SEC63: variants seen among roughly 807,000 people sequenced by gnomAD.
SEC63 encodes the protein translocation protein SEC63 homolog.
SEC63 carries 56 observed loss-of-function variants against 116.2 expected under a neutral mutation model. That is an observed-to-expected ratio of 0.48 (90% CI 0.39 to 0.60). The LOEUF (loss-of-function observed/expected upper bound fraction) is 0.60. Among genes scored for constraint, SEC63 ranks in the 20% least tolerant of loss-of-function variants. The probability of loss-of-function intolerance (pLI) is 0.00; values close to 1 mark genes in which losing one functional copy is unlikely to be tolerated. For missense variants in SEC63, 668 were observed against 900.0 expected (o/e 0.74, Z 3.30); for synonymous variants, 273 against 294.6 (o/e 0.93, Z 0.75).
intron 8 of SEC63, 98 bp from the exon 9 acceptor site, chr6:107,906,875 T>C: frequency 1.1e-6 from 1 of 890,828 alleles, no homozygotes; most frequent in Non-Finnish European, 1.9e-6. Context: ...AGCACTTTTC[T>C]AAACATGCAC....
chr6:107,937,264 G>A (rs563588790), intron 1 of SEC63, among the ~76,000 whole-genome samples: 17 of 151,686 alleles, frequency 1.1e-4, no homozygotes, highest in East Asian at 7.8e-4. Flanking sequence ...CTGGGATTAC[G>A]GGCATGCGCC....
At chr6:107,923,875 T>C (rs1323734473) in intron 3 of SEC63, among the ~76,000 whole-genome samples, 1 of 152,174 alleles carries the variant, frequency 6.6e-6, no homozygotes, top group Non-Finnish European at 1.5e-5. Flanking sequence ...TAAGTGTCAA[T>C]GAATACAAGG....
intron 12 of SEC63, among the ~76,000 whole-genome samples, chr6:107,901,865 A>G (rs1384365532): frequency 1.3e-5 from 2 of 152,150 alleles, no homozygotes; most frequent in Non-Finnish European, 2.9e-5. Context: ...TTTAATTAGC[A>G]ATTAATAGGT....
intron 1 of SEC63, among the ~76,000 whole-genome samples, chr6:107,944,055 G>T (rs1770431317): frequency 1.3e-5 from 2 of 152,198 alleles, no homozygotes; most frequent in Non-Finnish European, 2.9e-5. Flanking sequence ...ATGAGAAATG[G>T]TCGGACACGA....
rs913432602 is a variant in SEC63, at chr6:107,873,063, A to G, written c.2035-151T>C. On this transcript the variant is annotated intron_variant, in intron 19 of 20. Transcript: ENST00000369002. Reference sequence around the variant, plus strand: ...AAATGTTACTAAAGTCCTTATAAACAATAATAAAAAAAAGCGAAATGTATG... The same window carrying G: ...AAATGTTACTAAAGTCCTTATAAACGATAATAAAAAAAAGCGAAATGTATG... 7.7e-6 allele frequency: 5 copies of G among 648,120 alleles called. No individual in the cohort carries two copies. In the Admixed American group the frequency reaches 1.1e-4, roughly 14 times the overall value. 40.1% of individuals were successfully genotyped at this position (648,120 alleles called of 1,614,324 possible).
intron 1 of SEC63, 54 bp downstream of exon 1, chr6:107,957,831 TG>T: frequency 6.5e-7 from 1 of 1,533,394 alleles, no homozygotes. Context: ...CCGCAGGGCC[TG>T]GGGGCGCTGG....
At chr6:107,877,766 T>C (rs796743524) in intron 18 of SEC63, among the ~76,000 whole-genome samples, 16 of 152,296 alleles carry the variant, frequency 1.1e-4, no homozygotes, top group African/African-American at 3.4e-4. Flanking sequence ...TAAACTAAAA[T>C]TGCTGCTAAA....
Position 107,868,478 on chromosome 6 carries a change from C to G in SEC63, c.*3226G>C, listed in dbSNP as rs1786050408. ...CCTGCAGTCCCAGCTACTCAGGAGG[C>G]TGAGGCAGAAGAATCGCTTGAAGCT... On this transcript the variant is annotated 3_prime_UTR_variant, in exon 21 of 21. Transcript: ENST00000369002. 1 of 152,350 alleles carries G rather than the reference C, an allele frequency of 6.6e-6. No homozygotes were observed. Among genetic ancestry groups the G allele is most frequent in the Non-Finnish European group, 1.5e-5 (1 of 68,262 alleles). 9.4% of individuals were successfully genotyped at this position (152,350 alleles called of 1,614,324 possible).
In SEC63 at chr6:107,883,128, C is replaced by T. The variant is rs2114406824; in HGVS notation, c.1693G>A (p.Asp565Asn). The T allele has an allele frequency of 1.2e-6, 2 of 1,612,440 alleles. No individual in the cohort carries two copies. The highest frequency in any genetic ancestry group is 2.2e-5 in the East Asian group (1 of 44,766). Residue 565 changes from aspartate (D) to asparagine (N), a missense_variant, in exon 17 of 21, where the codon GAT becomes AAT. Asp to Asn is a conservative substitution (Grantham distance 23). Coordinates refer to ENST00000369002, the MANE Select transcript of SEC63 (RefSeq NM_007214.5). ...VVGNEAAVKE[D>N]EEEVSDKGSD... ...CCCTTATCTGAAACTTCTTCTTCAT[C>T]TTCCTTTACTGCAGCTTCCTAAAAG...
intron 2 of SEC63, among the ~76,000 whole-genome samples, chr6:107,928,894 C>T (rs900774394): frequency 5.3e-5 from 8 of 152,222 alleles, no homozygotes; most frequent in African/African-American, 1.7e-4. Context: ...TCCAACACTT[C>T]TAACTACATG....
At chr6:107,931,295 T>A (rs763566802) in intron 1 of SEC63, among the ~76,000 whole-genome samples, 59 of 151,000 alleles carry the variant, frequency 3.9e-4, no homozygotes, top group Non-Finnish European at 8.1e-4. Context: ...TGAGCCAAGA[T>A]CACGCCATTG....
In SEC63 at chr6:107,869,733, A is replaced by G. The variant is rs915443876; in HGVS notation, c.*1971T>C. The G allele has an allele frequency of 6.6e-6, 1 of 151,460 alleles. No individual in the cohort carries two copies. Among genetic ancestry groups the G allele is most frequent in the Non-Finnish European group, 1.5e-5 (1 of 67,962 alleles). The allele number at this position is 151,460 out of a possible 1,614,324, so 9.4% of individuals were successfully genotyped here. ...AAGTACATACACATCACACAAAGAG[A>G]AAAGGAAAACAAACTGGTGGAATTT... On this transcript the variant is annotated 3_prime_UTR_variant, in exon 21 of 21. Transcript: ENST00000369002.
intron 1 of SEC63, among the ~76,000 whole-genome samples, chr6:107,935,146 C>T (rs2114497543): frequency 6.7e-6 from 1 of 149,056 alleles, no homozygotes; most frequent in South Asian, 2.1e-4. Flanking sequence ...GCCCAGCCAG[C>T]TGCCCCGTCC....
intron 4 of SEC63, among the ~76,000 whole-genome samples, chr6:107,917,242 A>C (rs548734559): frequency 6.6e-6 from 1 of 152,318 alleles, no homozygotes; most frequent in South Asian, 2.1e-4. Flanking sequence ...ACTTTTAGTT[A>C]ATTTAGTATC....
intron 10 of SEC63, 131 bp downstream of exon 10, chr6:107,906,317 G>T: frequency 9.6e-7 from 1 of 1,037,136 alleles, no homozygotes; most frequent in Non-Finnish European, 1.5e-6. Context: ...AACCTCTTTT[G>T]TTTATATATT....
chr6:107,932,512 T>C (rs563906654), intron 1 of SEC63, among the ~76,000 whole-genome samples: 22 of 152,226 alleles, frequency 1.4e-4, no homozygotes, highest in Middle Eastern at 3.4e-3. Context: ...GAGAGTATGG[T>C]AGCAGAAAAG....
At chr6:107,896,343 A>G (rs1341030497) in intron 14 of SEC63, among the ~76,000 whole-genome samples, 2 of 151,962 alleles carry the variant, frequency 1.3e-5, no homozygotes, top group Non-Finnish European at 2.9e-5. Context: ...ACATGCCTGT[A>G]ATGCCAGCTA....
intron 1 of SEC63, among the ~76,000 whole-genome samples, chr6:107,931,030 C>T (rs768415982): frequency 2.3e-4 from 34 of 151,060 alleles, no homozygotes; most frequent in Admixed American, 7.3e-4. Flanking sequence ...AGAGTTGTGA[C>T]AAAAGCTATT....
chr6:107,957,808 G>A (rs1349636103), intron 1 of SEC63, 78 bp downstream of exon 1: 1 of 1,365,388 alleles, frequency 7.3e-7, no homozygotes, highest in Non-Finnish European at 9.4e-7. Flanking sequence ...GGCTGGGGCC[G>A]GGCAAGCGGG....
Sources: allele counts gnomAD v4.1 joint callset (sites outside exome capture counted in the v4.1 genomes callset), GRCh38; gene constraint gnomAD v4.1.1; transcripts MANE v1.5; gene names NCBI Gene and HGNC (gene_info 2026-07-23, HGNC 2026-07-21).